The following MYBPC2 variants were observed in gnomAD, a reference collection of about 807,000 sequenced individuals.
MYBPC2 encodes the protein myosin-binding protein C, fast-type.
In MYBPC2, 122 loss-of-function variants were observed where a neutral mutation model predicts 137.0. The observed-to-expected ratio is 0.89, with a 90% confidence interval of 0.77 to 1.03. The LOEUF is 1.03. Ranked by LOEUF, MYBPC2 falls within the 50% of genes least tolerant of loss-of-function variation. The pLI is 0.00. For missense variants in MYBPC2, 1,500 were observed against 1,534.4 expected, an observed-to-expected ratio of 0.98 and a Z score of 0.37; for synonymous variants, 626 against 612.3, an observed-to-expected ratio of 1.02 and a Z score of -0.33.
chr19:50,454,426 T>C (rs1157699965), intron 18 of MYBPC2, 57 bp downstream of exon 18: 1 of 1,284,810 alleles, frequency 7.8e-7, no homozygotes, highest in Admixed American at 2.8e-5. Flanking sequence ...TTCTGTTTTT[T>C]TTTTTTTTTT....
chr19:50,451,935 A>C lies in MYBPC2; in HGVS notation c.1681A>C (p.Lys561Gln). 6.4e-7 allele frequency: 1 copy of C among 1,571,278 alleles called. No homozygotes were observed. Among genetic ancestry groups the C allele is most frequent in the Non-Finnish European group, 8.6e-7 (1 of 1,157,690 alleles). Residue 561 changes from lysine to glutamine, a missense_variant, in exon 16 of 28, where the codon AAG (lysine) becomes CAG (glutamine). Coordinates refer to ENST00000357701, the MANE Select transcript of MYBPC2 (RefSeq NM_004533.4). ...TGCGATTGTGGTTGTGGCTGGAAAC[A>C]AGCTGAGGCTTGACGTGTCCATCAC... ...ENAIVVVAGN[K>Q]LRLDVSITGE...
At chr19:50,460,285 G>C (rs1440648648) in intron 24 of MYBPC2, 106 bp downstream of exon 24, 2 of 1,441,288 alleles carry the variant, frequency 1.4e-6, no homozygotes, top group Non-Finnish European at 1.8e-6. Flanking sequence ...CCAGAGGCTA[G>C]AGGACGGGCT....
intron 26 of MYBPC2, among the ~76,000 whole-genome samples, chr19:50,463,447 C>G (rs2039987924): frequency 6.6e-6 from 1 of 152,208 alleles, no homozygotes. Context: ...ACCAATCCAT[C>G]CATTTACTCA....
intron 13 of MYBPC2, among the ~76,000 whole-genome samples, chr19:50,449,699 G>T (rs111856587): frequency 1.3e-5 from 2 of 152,230 alleles, no homozygotes; most frequent in African/African-American, 4.8e-5. Context: ...CAGGTGGCAC[G>T]TGGACACCTA....
In MYBPC2 at chr19:50,451,260, C is replaced by T. The variant is rs1446329359; in HGVS notation, c.1580-20C>T. ...CCTGCTGAGTTTAGACCTAACTGTCCAGTCTTCTTTGTCTTGCAGAAATCA... is the reference window on the plus strand; with the variant it reads ...CCTGCTGAGTTTAGACCTAACTGTCTAGTCTTCTTTGTCTTGCAGAAATCA... On this transcript the variant is annotated intron_variant, in intron 14 of 27. Transcript: ENST00000357701. The T allele has an allele frequency of 6.2e-7, 1 of 1,613,576 alleles. No homozygotes were observed. The highest frequency in any genetic ancestry group is 1.7e-5 in the Admixed American group (1 of 59,968).
chr19:50,458,731 C>G lies in MYBPC2; in HGVS notation c.2483C>G (p.Pro828Arg), dbSNP rs781197190. ...AGCGAGCCGGCCACCCTGGCCCAGC[C>G]GGTCACCATCAGGGAGATTGCGGGT... ...GRSEPATLAQ[P>R]VTIREIAEPP... The change falls in exon 21 of 28, where the codon CCG becomes CGG. Residue 828 changes from proline to arginine, a missense_variant. Transcript: ENST00000357701. The G allele has an allele frequency of 2.5e-6, 4 of 1,608,722 alleles. No individual in the cohort carries two copies. The highest frequency in any genetic ancestry group is 3.4e-6 in the Non-Finnish European group (4 of 1,179,826).
At position 50,435,235 on chromosome 19, in the gene MYBPC2, G is replaced by C; in HGVS notation, c.94G>C (p.Ala32Pro). 1 of 1,256,560 alleles carries C rather than the reference G, an allele frequency of 8.0e-7. No homozygotes were observed. The highest frequency in any genetic ancestry group is 1.2e-6 in the Non-Finnish European group (1 of 865,074). The allele number at this position is 1,256,560 out of a possible 1,614,324, so 77.8% of individuals were successfully genotyped here. A position where few individuals can be genotyped will look rare whatever the true frequency, so the allele number is the denominator to read the frequency against. Residue 32 changes from alanine (A) to proline (P), a missense_variant, in exon 2 of 28, where the codon GCA becomes CCA. Ala to Pro is a conservative substitution (Grantham distance 27, BLOSUM62 -1). Transcript: ENST00000357701. This position sits in a 1 kb window ranked among gnomAD's most constrained non-coding sequence, Gnocchi z 4.8. ...PKEAPPKEAPAEAPKEAPPED... is the reference protein window; with the variant it reads ...PKEAPPKEAPPEAPKEAPPED... ...GGAGGCTCCCCCTAAGGAGGCTCCT[G>C]CAGAGGCCCCCAAAGGTGAGGAGGT...
intron 7 of MYBPC2, 93 bp downstream of exon 7, chr19:50,437,811 C>A: frequency 2.2e-6 from 3 of 1,379,218 alleles, no homozygotes; most frequent in South Asian, 1.3e-5. Flanking sequence ...CCTCCTGGAC[C>A]CACTGCTTAT....
In MYBPC2 at chr19:50,464,389, A is replaced by T; in HGVS notation, c.3272A>T (p.Asp1091Val). 1 of 1,611,130 alleles carries T rather than the reference A, an allele frequency of 6.2e-7. No homozygotes were observed. Among genetic ancestry groups the T allele is most frequent in the Non-Finnish European group, 8.5e-7 (1 of 1,178,834 alleles). Residue 1091 changes from aspartate to valine, a missense_variant, in exon 27 of 28, where the codon GAT (aspartate) becomes GTT (valine). Physicochemically the swap from Asp to Val is radical, Grantham distance 152. Coordinates refer to ENST00000357701, the MANE Select transcript of MYBPC2 (RefSeq NM_004533.4). ...WMKNKMEIRE[D>V]PKFLITNYQG... ...AAGAACAAGATGGAAATCCGTGAAG[A>T]TCCCAAGTTCCTGATAACCAATTAC...
In MYBPC2 at chr19:50,451,898, G is replaced by T. The variant is rs767443293; in HGVS notation, c.1644G>T (p.Lys548Asn). The T allele has an allele frequency of 5.5e-5, 87 of 1,589,664 alleles. No homozygotes were observed. The highest frequency in any genetic ancestry group is 6.7e-5 in the Non-Finnish European group (78 of 1,167,574). ...AGATCCACTTGGATTGCTCGGGGAA[G>T]ACCTCAGAGAATGCGATTGTGGTTG... Reference protein sequence around the residue: ...PPKIHLDCSGKTSENAIVVVA... With the variant: ...PPKIHLDCSGNTSENAIVVVA... The change falls in exon 16 of 28, where the codon AAG (lysine) becomes AAT (asparagine). Residue 548 changes from lysine to asparagine, a missense_variant. Physicochemically the swap from Lys to Asn is moderately conservative, Grantham distance 94. Coordinates refer to ENST00000357701, the MANE Select transcript of MYBPC2 (RefSeq NM_004533.4).
At chr19:50,463,207 AAAATGTAAAT>A (rs1162069615) in intron 26 of MYBPC2, among the ~76,000 whole-genome samples, 7 of 152,354 alleles carry the variant, frequency 4.6e-5, no homozygotes, top group African/African-American at 1.7e-4. Context: ...TACTGCAGAC[AAAATGTAAAT>A]AAATGTGCGT....
chr19:50,466,104 C>T lies in MYBPC2; in HGVS notation c.3416-91C>T. ...GGATGGTGACCGTCATCCTGTCCCCCTGCTGGTCATGTGGATGCAGCTCCT... is the reference window on the plus strand; with the variant it reads ...GGATGGTGACCGTCATCCTGTCCCCTTGCTGGTCATGTGGATGCAGCTCCT... On this transcript the variant is annotated intron_variant, in intron 27 of 27. Transcript: ENST00000357701. The surrounding 1 kb of genome is among the most constrained non-coding windows in gnomAD (Gnocchi z 4.9). 6.4e-7 allele frequency: 1 copy of T among 1,565,914 alleles called. No homozygotes were observed. The highest frequency in any genetic ancestry group is 8.7e-7 in the Non-Finnish European group (1 of 1,147,340).
Position 50,437,811 on chromosome 19 carries a change from C to G in MYBPC2, c.572+93C>G, listed in dbSNP as rs866870410. The G allele has an allele frequency of 1.6e-5, 22 of 1,379,108 alleles. No homozygotes were observed. The African/African-American group carries it at 2.7e-4, about 17-fold the overall frequency. 85.4% of individuals were successfully genotyped at this position (1,379,108 alleles called of 1,614,324 possible). On this transcript the variant is annotated intron_variant, in intron 7 of 27. Transcript: ENST00000357701. ...CATGGCCCACTGATTCCTCCTGGAC[C>G]CACTGCTTATCCCTCTACCACCTCC...
intron 5 of MYBPC2, among the ~76,000 whole-genome samples, chr19:50,437,075 GA>G (rs2039710606): frequency 6.6e-6 from 1 of 152,108 alleles, no homozygotes; most frequent in South Asian, 2.1e-4. Flanking sequence ...GGTTTAGAGT[GA>G]GGGTGTACAG....
intron 5 of MYBPC2, 67 bp downstream of exon 5, chr19:50,436,801 C>T: frequency 6.8e-7 from 1 of 1,480,056 alleles, no homozygotes; most frequent in Non-Finnish European, 9.4e-7. Context: ...ATGTACCAGC[C>T]AGGTGTTGGG....
intron 7 of MYBPC2, among the ~76,000 whole-genome samples, chr19:50,438,478 G>A (rs1486170089): frequency 6.6e-6 from 1 of 152,136 alleles, no homozygotes; most frequent in African/African-American, 2.4e-5. Context: ...AGGTGGCTGA[G>A]TTCACCAGTG....
chr19:50,458,077 C>G (rs914735921), intron 20 of MYBPC2, among the ~76,000 whole-genome samples: 1 of 151,216 alleles, frequency 6.6e-6, no homozygotes, highest in African/African-American at 2.4e-5. Context: ...TTTGGGAGGC[C>G]GAGGTGGGCG....
chr19:50,461,820 G>T, intron 25 of MYBPC2, 80 bp from the exon 26 acceptor site: 1 of 1,577,580 alleles, frequency 6.3e-7, no homozygotes, highest in East Asian at 2.3e-5. Flanking sequence ...ATGGGAGAGA[G>T]GTGATTGCGG....
At chr19:50,437,822 C>T in intron 7 of MYBPC2, 104 bp downstream of exon 7, 1 of 1,255,306 alleles carries the variant, frequency 8.0e-7, no homozygotes, top group Non-Finnish European at 1.1e-6. Flanking sequence ...CACTGCTTAT[C>T]CCTCTACCAC....
Sources: gnomAD v4.1 joint callset for allele counts (sites outside exome capture counted in the v4.1 genomes callset) on GRCh38, gnomAD v4.1.1 for gene constraint, Gnocchi (gnomAD v3.1) non-coding constraint, MANE v1.5 for transcripts, NCBI Gene and HGNC (gene_info 2026-07-23, HGNC 2026-07-21) for gene names.